The following GRM8 variants were observed in gnomAD, a reference collection of about 807,000 sequenced individuals.
The protein encoded by GRM8 is metabotropic glutamate receptor 8.
Under a neutral mutation model 87.2 loss-of-function variants are expected in GRM8, and 47 were observed. The ratio of observed to expected loss-of-function variants is 0.54; its 90% confidence interval spans 0.43 to 0.69. The LOEUF (loss-of-function observed/expected upper bound fraction) is 0.69, where lower values mean the gene tolerates loss of function less well. GRM8 is among the 30% of genes least tolerant of loss of function. The pLI, the probability that GRM8 is intolerant of heterozygous loss-of-function variation, is 0.00. For missense variants in GRM8, 1,019 were observed against 1,139.2 expected, an observed-to-expected ratio of 0.89 and a Z score of 1.52; for synonymous variants, 396 against 404.5, an observed-to-expected ratio of 0.98 and a Z score of 0.25.
chr7:127,067,582 C>G (rs566354196), intron 3 of GRM8, among the ~76,000 whole-genome samples: 1 of 152,274 alleles, frequency 6.6e-6, no homozygotes, highest in Non-Finnish European at 1.5e-5. Context: ...TCTGAGACTG[C>G]CTATAATAGA....
chr7:127,122,480 A>T (rs1171112601), intron 2 of GRM8, among the ~76,000 whole-genome samples: 1 of 151,904 alleles, frequency 6.6e-6, no homozygotes, highest in African/African-American at 2.4e-5. Context: ...TAAAAAAAAA[A>T]ATGGAAAAAG....
intron 3 of GRM8, among the ~76,000 whole-genome samples, chr7:126,928,590 T>C (rs1269665670): frequency 6.6e-6 from 1 of 151,122 alleles, no homozygotes; most frequent in Non-Finnish European, 1.5e-5. Flanking sequence ...GAGGATCACT[T>C]GAGCCCAGGA....
chr7:126,725,546 G>A (rs1247929847), intron 7 of GRM8, among the ~76,000 whole-genome samples: 1 of 152,170 alleles, frequency 6.6e-6, no homozygotes, highest in Admixed American at 6.5e-5. Flanking sequence ...AACAAGGAAT[G>A]ACCTAGAAGC....
intron 7 of GRM8, among the ~76,000 whole-genome samples, chr7:126,727,429 C>T (rs539799798): frequency 5.9e-5 from 9 of 151,898 alleles, no homozygotes; most frequent in Non-Finnish European, 1.3e-4. Flanking sequence ...TAATTAAAAA[C>T]CTATGCTTAA....
intron 2 of GRM8, among the ~76,000 whole-genome samples, chr7:127,239,471 T>C (rs1029404691): frequency 2.6e-5 from 4 of 152,232 alleles, no homozygotes; most frequent in African/African-American, 9.6e-5. Context: ...TTAGATTCTG[T>C]GGGTCTTTTG....
chr7:126,481,172 C>A (rs1269905875), intron 9 of GRM8, among the ~76,000 whole-genome samples: 1 of 151,970 alleles, frequency 6.6e-6, no homozygotes, highest in Admixed American at 6.6e-5. Context: ...GAAAGGAAAG[C>A]TTTTCCCTTA....
chr7:126,692,027 G>T (rs996868307), intron 7 of GRM8, among the ~76,000 whole-genome samples: 1 of 152,188 alleles, frequency 6.6e-6, no homozygotes, highest in Non-Finnish European at 1.5e-5. Context: ...GGGTAGGATG[G>T]AGGGAAGATC....
chr7:126,920,080 C>T (rs1454968717), intron 3 of GRM8, among the ~76,000 whole-genome samples: 1 of 152,048 alleles, frequency 6.6e-6, no homozygotes, highest in Non-Finnish European at 1.5e-5. Flanking sequence ...GTAAGACTCC[C>T]ACATGGGATT....
intron 7 of GRM8, among the ~76,000 whole-genome samples, chr7:126,666,564 C>A (rs538393444): frequency 6.6e-6 from 1 of 152,260 alleles, no homozygotes; most frequent in African/African-American, 2.4e-5. Flanking sequence ...ATCAATCCTA[C>A]TGCGTCCAGC....
chr7:126,651,679 C>G (rs1231605512), intron 7 of GRM8, among the ~76,000 whole-genome samples: 2 of 152,180 alleles, frequency 1.3e-5, no homozygotes, highest in African/African-American at 4.8e-5. Context: ...TTGGGCTCCT[C>G]CTACCTTTAA....
At chr7:127,127,697 T>A (rs1213741762) in intron 2 of GRM8, among the ~76,000 whole-genome samples, 3 of 152,060 alleles carry the variant, frequency 2.0e-5, no homozygotes, top group Non-Finnish European at 2.9e-5. Flanking sequence ...TATATCTTGA[T>A]TGTGACTGTG....
chr7:126,674,624 G>A (rs187257113), intron 7 of GRM8, among the ~76,000 whole-genome samples: 2 of 151,926 alleles, frequency 1.3e-5, no homozygotes, highest in Non-Finnish European at 2.9e-5. Flanking sequence ...AATGAAATAA[G>A]TATAATAAAG....
intron 3 of GRM8, among the ~76,000 whole-genome samples, chr7:127,081,934 G>A (rs1248252261): frequency 6.6e-6 from 1 of 152,134 alleles, no homozygotes; most frequent in Non-Finnish European, 1.5e-5. Flanking sequence ...CAAGAAGGAA[G>A]GAAGCCAGGA....
chr7:126,490,267 T>C (rs1465034497), intron 9 of GRM8, among the ~76,000 whole-genome samples: 1 of 152,082 alleles, frequency 6.6e-6, no homozygotes, highest in East Asian at 1.9e-4. Context: ...TTCTCTAATA[T>C]GACCACCTCT....
At chr7:126,614,173 A>G (rs1799209699) in intron 7 of GRM8, among the ~76,000 whole-genome samples, 1 of 152,114 alleles carries the variant, frequency 6.6e-6, no homozygotes, top group Admixed American at 6.5e-5. Context: ...CCCTTCTGAG[A>G]CGAAACTTCC....
intron 8 of GRM8, among the ~76,000 whole-genome samples, chr7:126,542,386 A>T (rs1273550919): frequency 2.0e-5 from 3 of 152,194 alleles, no homozygotes; most frequent in Non-Finnish European, 2.9e-5. Context: ...CAGAAAGTCA[A>T]TTAATCAGTA....
At chr7:126,943,992 T>C (rs1385024064) in intron 3 of GRM8, among the ~76,000 whole-genome samples, 1 of 152,256 alleles carries the variant, frequency 6.6e-6, no homozygotes, top group Admixed American at 6.5e-5. Flanking sequence ...AATATTTTTC[T>C]GTCTTTCCAG....
intron 9 of GRM8, among the ~76,000 whole-genome samples, chr7:126,449,532 T>C (rs991918937): frequency 1.3e-5 from 2 of 151,906 alleles, no homozygotes; most frequent in Admixed American, 1.3e-4. Context: ...TACACACTTA[T>C]TCAAACCAGT....
chr7:127,066,384 C>T (rs551106381), intron 3 of GRM8, among the ~76,000 whole-genome samples: 2 of 152,268 alleles, frequency 1.3e-5, no homozygotes, highest in South Asian at 2.1e-4. Context: ...TATCTAAACG[C>T]ATGCAATTAT....
Sources: gnomAD v4.1 joint callset for allele counts (sites outside exome capture counted in the v4.1 genomes callset) on GRCh38, gnomAD v4.1.1 for gene constraint, MANE v1.5 for transcripts, NCBI Gene and HGNC (gene_info 2026-07-23, HGNC 2026-07-21) for gene names.